The following MAGEH1 variants were observed in gnomAD, a reference collection of about 807,000 sequenced individuals.
The protein encoded by MAGEH1 is MAGE family member H1, also known as melanoma-associated antigen H1.
For synonymous variants in MAGEH1, 79 were observed against 70.3 expected (o/e 1.12, Z -0.62); for missense variants, 152 against 183.0 (o/e 0.83, Z 0.98).
chrX:55,452,896 GAA>G lies in MAGEH1; in HGVS notation c.524_525del (p.Lys175SerfsTer10). On this transcript the variant is annotated frameshift_variant, in exon 1 of 1. Transcript: ENST00000342972. LOFTEE classifies it low-confidence loss of function (END_TRUNC). ...GAGCACACGTGGAATCGAGCAAACT[GAA>G]AGTCATGCATTTTGTGGCAAGGGTT... ...PRAHVESSKL[K>X]VMHFVARVRN... The G allele has an allele frequency of 8.3e-7, 1 of 1,211,866 alleles. No individual in the cohort carries two copies. The highest frequency in any genetic ancestry group is 1.1e-6 in the Non-Finnish European group (1 of 895,565).
rs2031190991 is a variant in MAGEH1, at chrX:55,452,483, G to T, written c.109G>T (p.Ala37Ser). 8.3e-7 allele frequency: 1 copy of T among 1,205,575 alleles called. No individual in the cohort carries two copies. Among genetic ancestry groups the T allele is most frequent in the Admixed American group, 2.2e-5 (1 of 45,167 alleles). ...ASEASETPMA[A>S]SVVASTPEDD... ...AGAGGCCTCCGAGACCCCTATGGCC[G>T]CCTCTGTGGTAGCGAGCACCCCCGA... Residue 37 changes from alanine (A) to serine (S), a missense_variant, in exon 1 of 1, where the codon GCC (alanine) becomes TCC (serine). Physicochemically the swap from Ala to Ser is moderately conservative, Grantham distance 99. Coordinates refer to ENST00000342972, the MANE Select transcript of MAGEH1 (RefSeq NM_014061.5).
In MAGEH1 at chrX:55,452,256, A is replaced by G; in HGVS notation, c.-119A>G. On this transcript the variant is annotated 5_prime_UTR_variant, in exon 1 of 1. Coordinates refer to ENST00000342972, the MANE Select transcript of MAGEH1 (RefSeq NM_014061.5). ...GCTTGTTTATTGCTACAAAGACTCT[A>G]TTGACATTGGTAGCTTCAGCGGCAG... 2 of 584,173 alleles carry G rather than the reference A, an allele frequency of 3.4e-6. No individual in the cohort carries two copies. Among genetic ancestry groups the G allele is most frequent in the Non-Finnish European group, 5.0e-6 (2 of 400,646 alleles). 48.1% of individuals were successfully genotyped at this position (584,173 alleles called of 1,213,427 possible). A position where few individuals can be genotyped will look rare whatever the true frequency, so the allele number is the denominator to read the frequency against.
Position 55,452,838 on chromosome X carries a change from G to A in MAGEH1, c.464G>A (p.Ser155Asn), listed in dbSNP as rs780122965. The change falls in exon 1 of 1, where the codon AGT becomes AAT. Residue 155 changes from serine to asparagine, a missense_variant. Physicochemically the swap from Ser to Asn is conservative, Grantham distance 46 (BLOSUM62 1). Coordinates refer to ENST00000342972, the MANE Select transcript of MAGEH1 (RefSeq NM_014061.5). Reference sequence around the variant, plus strand: ...ATTTATAAACCGGTGCCCCGTAGCAGTCCGGTGGAGTATGAGTTCTTCTGG... The same window carrying A: ...ATTTATAAACCGGTGCCCCGTAGCAATCCGGTGGAGTATGAGTTCTTCTGG... ...YLIYKPVPRS[S>N]PVEYEFFWGP... 9.9e-6 allele frequency: 12 copies of A among 1,211,661 alleles called. No homozygotes were observed. Among genetic ancestry groups the A allele is most frequent in the Non-Finnish European group, 1.1e-6 (1 of 895,440 alleles).
At position 55,452,468 on chromosome X, in the gene MAGEH1, G is replaced by C. The variant is rs756754304; in HGVS notation, c.94G>C (p.Glu32Gln). ...CAAAATCCAGGCCTCAGAGGCCTCC[G>C]AGACCCCTATGGCCGCCTCTGTGGT... ...NRKIQASEAS[E>Q]TPMAASVVAS... is the part of the protein sequence containing the mutation. The change falls in exon 1 of 1, where the codon GAG becomes CAG. Residue 32 changes from glutamate (E) to glutamine (Q), a missense_variant. By Grantham distance (29) the Glu-to-Gln change is conservative (BLOSUM62 2). Coordinates refer to ENST00000342972, the MANE Select transcript of MAGEH1 (RefSeq NM_014061.5). 5 of 1,202,328 alleles carry C rather than the reference G, an allele frequency of 4.2e-6. No homozygotes were observed. The African/African-American group carries it at 7.1e-5, about 17-fold the overall frequency.
Position 55,452,573 on chromosome X carries a change from G to T in MAGEH1, c.199G>T (p.Glu67Ter). 8.3e-7 allele frequency: 1 copy of T among 1,209,946 alleles called. No individual in the cohort carries two copies. Among genetic ancestry groups the T allele is most frequent in the Non-Finnish European group, 1.1e-6 (1 of 894,949 alleles). The change falls in exon 1 of 1, where the codon GAA becomes TAA. Residue 67 changes from glutamate (E) to a stop codon, truncating the protein, a stop_gained. Transcript: ENST00000342972. LOFTEE classifies it low-confidence loss of function (END_TRUNC). ...AGAGGAGGCCTCTACCACCCCTGAA[G>T]AAGCCTCGAGCACTGCCCAAGCACA... ...TPEEASTTPE[E>*]ASSTAQAQKP...
At position 55,452,854 on chromosome X, in the gene MAGEH1, G is replaced by T; in HGVS notation, c.480G>T (p.Glu160Asp). The change falls in exon 1 of 1, where the codon GAG becomes GAT. Residue 160 changes from glutamate (E) to aspartate (D), a missense_variant. Coordinates refer to ENST00000342972, the MANE Select transcript of MAGEH1 (RefSeq NM_014061.5). ...PVPRSSPVEY[E>D]FFWGPRAHVE... ...CCCGTAGCAGTCCGGTGGAGTATGA[G>T]TTCTTCTGGGGGCCCCGAGCACACG... is the stretch of plus-strand genomic sequence containing the variant. 8.3e-7 allele frequency: 1 copy of T among 1,211,795 alleles called. No homozygotes were observed. Among genetic ancestry groups the T allele is most frequent in the East Asian group, 3.0e-5 (1 of 33,845 alleles).
chrX:55,452,857 C>T lies in MAGEH1; in HGVS notation c.483C>T (p.Phe161=), dbSNP rs945797117. ...GTAGCAGTCCGGTGGAGTATGAGTT[C>T]TTCTGGGGGCCCCGAGCACACGTGG... ...VPRSSPVEYE[F]FWGPRAHVES... Residue 161 remains phenylalanine (F), a synonymous_variant, in exon 1 of 1, where the codon TTC becomes TTT. Coordinates refer to ENST00000342972, the MANE Select transcript of MAGEH1 (RefSeq NM_014061.5). The T allele has an allele frequency of 2.5e-6, 3 of 1,211,525 alleles. No individual in the cohort carries two copies. The East Asian group carries it at 8.9e-5, about 36-fold the overall frequency.
In MAGEH1 at chrX:55,453,170, C is replaced by A. The variant is rs2031205203; in HGVS notation, c.*136C>A. 2.0e-6 allele frequency: 1 copy of A among 491,909 alleles called. No individual in the cohort carries two copies. The highest frequency in any genetic ancestry group is 3.3e-6 in the Non-Finnish European group (1 of 306,680). 40.5% of individuals were successfully genotyped at this position (491,909 alleles called of 1,213,427 possible). A position where few individuals can be genotyped will look rare whatever the true frequency, so the allele number is the denominator to read the frequency against. ...GTATTTGATATTTGTGATCAGTGAT[C>A]ATTGTTCAACTGCGAAATAGAGTGT... On this transcript the variant is annotated 3_prime_UTR_variant, in exon 1 of 1. Coordinates refer to ENST00000342972, the MANE Select transcript of MAGEH1 (RefSeq NM_014061.5).
Position 55,452,189 on chromosome X carries a change from C to G in MAGEH1, c.-186C>G, listed in dbSNP as rs2031185808. ...CAAGTGCTGGCGGCGGCTGCTCGCG[C>G]AAGTCAGCTGGCGTGGGAACTACCC... On this transcript the variant is annotated 5_prime_UTR_variant, in exon 1 of 1. Coordinates refer to ENST00000342972, the MANE Select transcript of MAGEH1 (RefSeq NM_014061.5). The G allele has an allele frequency of 2.8e-6, 1 of 362,145 alleles. No homozygotes were observed. The highest frequency in any genetic ancestry group is 5.6e-5 in the Admixed American group (1 of 17,839). 29.8% of individuals were successfully genotyped at this position (362,145 alleles called of 1,213,427 possible).
At position 55,453,543 on chromosome X, in the gene MAGEH1, AAAAT is replaced by A. The variant is rs2031211174; in HGVS notation, c.*513_*516del. 1 of 124,176 alleles carries A rather than the reference AAAAT, an allele frequency of 8.1e-6. No homozygotes were observed. Among genetic ancestry groups the A allele is most frequent in the South Asian group, 3.5e-4 (1 of 2,831 alleles). 10.2% of individuals were successfully genotyped at this position (124,176 alleles called of 1,213,427 possible). On this transcript the variant is annotated 3_prime_UTR_variant, in exon 1 of 1. Transcript: ENST00000342972. The stretch of plus-strand genomic sequence containing the variant: ...CCTTAGTTACTGCAGAACATAGAGA[AAAAT>A]AAAAGCCTAACGAATAGTACATCTT...
Position 55,452,133 on chromosome X carries a change from G to C in MAGEH1, c.-242G>C, listed in dbSNP as rs1034483077. 3.2e-6 allele frequency: 1 copy of C among 308,077 alleles called. No homozygotes were observed. The highest frequency in any genetic ancestry group is 2.8e-5 in the African/African-American group (1 of 36,193). 25.4% of individuals were successfully genotyped at this position (308,077 alleles called of 1,213,427 possible). A position where few individuals can be genotyped will look rare whatever the true frequency, so the allele number is the denominator to read the frequency against. ...TGGCAGGAGAGGCGGGGCCAATTTT[G>C]CTGAGCTTTCTCGCGGGCTTGCAGC... On this transcript the variant is annotated 5_prime_UTR_variant, in exon 1 of 1. Coordinates refer to ENST00000342972, the MANE Select transcript of MAGEH1 (RefSeq NM_014061.5).
At position 55,453,074 on chromosome X, in the gene MAGEH1, C is replaced by T. The variant is rs571482885; in HGVS notation, c.*40C>T. 2 of 1,138,887 alleles carry T rather than the reference C, an allele frequency of 1.8e-6. No individual in the cohort carries two copies. The highest frequency in any genetic ancestry group is 2.4e-6 in the Non-Finnish European group (2 of 842,493). The allele number at this position is 1,138,887 out of a possible 1,213,427, so 93.9% of individuals were successfully genotyped here. ...GACCCTTGGGGGTGTAAAAGAGAGT[C>T]ACAGGTACCCCAAGGAGTAGATGCC... On this transcript the variant is annotated 3_prime_UTR_variant, in exon 1 of 1. Transcript: ENST00000342972.
Position 55,452,385 on chromosome X carries a change from G to T in MAGEH1, c.11G>T (p.Gly4Val). 1 of 1,155,379 alleles carries T rather than the reference G, an allele frequency of 8.7e-7. No individual in the cohort carries two copies. The highest frequency in any genetic ancestry group is 1.1e-6 in the Non-Finnish European group (1 of 870,658). Residue 4 changes from glycine (G) to valine (V), a missense_variant, in exon 1 of 1, where the codon GGA becomes GTA. By Grantham distance (109) the Gly-to-Val change is moderately radical. Transcript: ENST00000342972. Reference protein sequence around the residue: MPRGRKSRRRRNAR... With the variant: MPRVRKSRRRRNAR... Reference sequence around the variant, plus strand: ...CCTCTAGCAGGAGACATGCCTCGGGGACGAAAGAGTCGGCGCCGCCGTAAT... The same window carrying T: ...CCTCTAGCAGGAGACATGCCTCGGGTACGAAAGAGTCGGCGCCGCCGTAAT...
At position 55,453,089 on chromosome X, in the gene MAGEH1, G is replaced by A; in HGVS notation, c.*55G>A. On this transcript the variant is annotated 3_prime_UTR_variant, in exon 1 of 1. Coordinates refer to ENST00000342972, the MANE Select transcript of MAGEH1 (RefSeq NM_014061.5). ...AAAAGAGAGTCACAGGTACCCCAAG[G>A]AGTAGATGCCAGGGTCCTAAGTTGA... 2.8e-6 allele frequency: 3 copies of A among 1,076,942 alleles called. No homozygotes were observed. Among genetic ancestry groups the A allele is most frequent in the African/African-American group, 1.8e-5 (1 of 54,601 alleles). The allele number at this position is 1,076,942 out of a possible 1,213,427, so 88.8% of individuals were successfully genotyped here. A position where few individuals can be genotyped will look rare whatever the true frequency, so the allele number is the denominator to read the frequency against.
rs757599100 is a variant in MAGEH1 at position 55,452,830 on chromosome X, C to G, written c.456C>G (p.Pro152=). 3 of 1,209,172 alleles carry G rather than the reference C, an allele frequency of 2.5e-6. No individual in the cohort carries two copies. The African/African-American group carries it at 5.3e-5, about 21-fold the overall frequency. Reference sequence around the variant, plus strand: ...GGTACCTGATTTATAAACCGGTGCCCCGTAGCAGTCCGGTGGAGTATGAGT... The same window carrying G: ...GGTACCTGATTTATAAACCGGTGCCGCGTAGCAGTCCGGTGGAGTATGAGT... ...RRGYLIYKPV[P]RSSPVEYEFF... Residue 152 remains proline (P), a synonymous_variant, in exon 1 of 1, where the codon CCC becomes CCG. Coordinates refer to ENST00000342972, the MANE Select transcript of MAGEH1 (RefSeq NM_014061.5).
chrX:55,453,043 G>C lies in MAGEH1; in HGVS notation c.*9G>C. Reference sequence around the variant, plus strand: ...GTTATTCCGCCCCTTAAGTAGATCTGAGGCAGACCCTTGGGGGTGTAAAAG... The same window carrying C: ...GTTATTCCGCCCCTTAAGTAGATCTCAGGCAGACCCTTGGGGGTGTAAAAG... On this transcript the variant is annotated 3_prime_UTR_variant, in exon 1 of 1. Transcript: ENST00000342972. 1 of 1,203,623 alleles carries C rather than the reference G, an allele frequency of 8.3e-7. No individual in the cohort carries two copies. Among genetic ancestry groups the C allele is most frequent in the South Asian group, 1.8e-5 (1 of 55,741 alleles).
chrX:55,452,616 G>A lies in MAGEH1; in HGVS notation c.242G>A (p.Arg81Gln). The A allele has an allele frequency of 1.7e-6, 2 of 1,211,455 alleles. No homozygotes were observed. The highest frequency in any genetic ancestry group is 3.5e-5 in the African/African-American group (2 of 57,656). The change falls in exon 1 of 1, where the codon CGG becomes CAG. Residue 81 changes from arginine to glutamine, a missense_variant. Physicochemically the swap from Arg to Gln is conservative, Grantham distance 43 (BLOSUM62 1). Coordinates refer to ENST00000342972, the MANE Select transcript of MAGEH1 (RefSeq NM_014061.5). ...TAQAQKPSVPRSNFQGTKKSL... is the reference protein window; with the variant it reads ...TAQAQKPSVPQSNFQGTKKSL... ...CAAGCACAAAAGCCTTCAGTGCCCC[G>A]GAGCAATTTTCAGGGCACCAAGAAA...
chrX:55,453,046 G>A lies in MAGEH1; in HGVS notation c.*12G>A, dbSNP rs748004749. 10 of 1,199,915 alleles carry A rather than the reference G, an allele frequency of 8.3e-6. No homozygotes were observed. Among genetic ancestry groups the A allele is most frequent in the Non-Finnish European group, 1.0e-5 (9 of 889,105 alleles). On this transcript the variant is annotated 3_prime_UTR_variant, in exon 1 of 1. Transcript: ENST00000342972. ...ATTCCGCCCCTTAAGTAGATCTGAG[G>A]CAGACCCTTGGGGGTGTAAAAGAGA...
chrX:55,452,745 G>A lies in MAGEH1; in HGVS notation c.371G>A (p.Arg124His). Residue 124 changes from arginine to histidine, a missense_variant, in exon 1 of 1, where the codon CGT (arginine) becomes CAT (histidine). Coordinates refer to ENST00000342972, the MANE Select transcript of MAGEH1 (RefSeq NM_014061.5). ...GGGAAGTTAGGAATGCAGCCTGGAC[G>A]TCAGCACAGCATCTTTGGAGATCCG... ...VLGKLGMQPGRQHSIFGDPKK... is the reference protein window; with the variant it reads ...VLGKLGMQPGHQHSIFGDPKK... 8.3e-7 allele frequency: 1 copy of A among 1,211,747 alleles called. No individual in the cohort carries two copies. Among genetic ancestry groups the A allele is most frequent in the Non-Finnish European group, 1.1e-6 (1 of 895,543 alleles).
Sources: allele counts gnomAD v4.1 joint callset, GRCh38; gene constraint gnomAD v4.1.1; transcripts MANE v1.5; gene names NCBI Gene and HGNC (gene_info 2026-07-23, HGNC 2026-07-21).